TUBA1C: variants seen among roughly 807,000 people sequenced by gnomAD.
The protein encoded by TUBA1C is tubulin alpha 1c.
Under a neutral mutation model 34.9 loss-of-function variants are expected in TUBA1C, and 16 were observed. That is an observed-to-expected ratio of 0.46 (90% CI 0.31 to 0.70). The LOEUF (loss-of-function observed/expected upper bound fraction) is 0.70. Ranked by LOEUF, TUBA1C falls within the 30% of genes least tolerant of loss-of-function variation. The pLI, the probability that TUBA1C is intolerant of heterozygous loss-of-function variation, is 0.05. For missense variants in TUBA1C, 329 were observed against 587.3 expected (o/e 0.56, Z 4.55); for synonymous variants, 177 against 215.9 (o/e 0.82, Z 1.58).
At chr12:49,248,059 G>A (rs1377361227) in intron 1 of TUBA1C, among the ~76,000 whole-genome samples, 15 of 150,896 alleles carry the variant, frequency 9.9e-5, no homozygotes, top group Admixed American at 7.9e-4. Flanking sequence ...GGCAGATCAC[G>A]AGGTCAGGAG....
intron 1 of TUBA1C, among the ~76,000 whole-genome samples, chr12:49,246,548 G>A (rs1359128007): frequency 6.6e-6 from 1 of 151,902 alleles, no homozygotes; most frequent in Admixed American, 6.6e-5. Flanking sequence ...GGTGGCGGGC[G>A]CCTATAGTCC....
At chr12:49,260,224 A>AT (rs942836497), upstream of TUBA1C, among the ~76,000 whole-genome samples, 65 of 152,318 alleles carry the variant, frequency 4.3e-4, no homozygotes, top group African/African-American at 1.4e-3. Flanking sequence ...ATGGTAGTTA[A>AT]TTCCAGAAAA....
Position 49,250,449 on chromosome 12 carries a change from G to T in TUBA1C, c.214-19016G>T, listed in dbSNP as rs189365610. 4.6e-3 allele frequency among the ~76,000 whole-genome samples: 690 copies of T among 151,212 alleles called. 3 individuals are homozygous for T. The highest frequency in any genetic ancestry group is 0.016 in the African/African-American group (663 of 41,124). ...TGAGTCAGGAGAATAGCGTGAACCT[G>T]GGAGGCGGAGCTTGCAGTGAGCCGA... is the stretch of plus-strand genomic sequence containing the variant. On this transcript the variant is annotated intron_variant, in intron 1 of 3. Coordinates refer to the TUBA1C transcript ENST00000541364.
At chr12:49,230,691 G>C (rs557899595) in intron 1 of TUBA1C, among the ~76,000 whole-genome samples, 1 of 152,204 alleles carries the variant, frequency 6.6e-6, no homozygotes, top group East Asian at 1.9e-4. Context: ...ATTTGAGCTC[G>C]TTTGCTCTGA....
At chr12:49,235,959 C>T (rs1942551164) in intron 1 of TUBA1C, among the ~76,000 whole-genome samples, 1 of 152,174 alleles carries the variant, frequency 6.6e-6, no homozygotes, top group Non-Finnish European at 1.5e-5. Flanking sequence ...CATCAGTGCA[C>T]ACAGCGGGTT....
Position 49,273,046 on chromosome 12 carries a change from G to T in TUBA1C, c.1169G>T (p.Arg390Leu). Residue 390 changes from arginine (R) to leucine (L), a missense_variant, in exon 4 of 4, where the codon CGC becomes CTC. Arg to Leu is a moderately radical substitution (Grantham distance 102, BLOSUM62 -2). Coordinates refer to ENST00000301072, the MANE Select transcript of TUBA1C (RefSeq NM_032704.5). ...NTTAVAEAWA[R>L]LDHKFDLMYA... Reference sequence around the variant, plus strand: ...ACAGCTGTTGCCGAGGCCTGGGCTCGCCTGGACCACAAGTTTGACCTGATG... The same window carrying T: ...ACAGCTGTTGCCGAGGCCTGGGCTCTCCTGGACCACAAGTTTGACCTGATG... The T allele has an allele frequency of 6.2e-7, 1 of 1,614,172 alleles. No homozygotes were observed. The highest frequency in any genetic ancestry group is 8.5e-7 in the Non-Finnish European group (1 of 1,180,028).
chr12:49,273,041 G>A lies in TUBA1C; in HGVS notation c.1164G>A (p.Trp388Ter). 3.1e-6 allele frequency: 5 copies of A among 1,614,200 alleles called. No homozygotes were observed. In the South Asian group the frequency reaches 3.3e-5, roughly 11 times the overall value. ...LSNTTAVAEA[W>*]ARLDHKFDLM... is the part of the protein sequence containing the mutation. Reference sequence around the variant, plus strand: ...ATACCACAGCTGTTGCCGAGGCCTGGGCTCGCCTGGACCACAAGTTTGACC... The same window carrying A: ...ATACCACAGCTGTTGCCGAGGCCTGAGCTCGCCTGGACCACAAGTTTGACC... The change falls in exon 4 of 4, where the codon TGG becomes TGA. Residue 388 changes from tryptophan to a stop codon, truncating the protein, a stop_gained. Transcript: ENST00000301072. LOFTEE classifies it high-confidence loss of function.
At chr12:49,266,267 A>C (rs1484115480) in intron 1 of TUBA1C, among the ~76,000 whole-genome samples, 1 of 150,274 alleles carries the variant, frequency 6.7e-6, no homozygotes, top group Admixed American at 6.7e-5. Context: ...CTACTAAAAA[A>C]AAAAAAAAAA....
chr12:49,243,435 C>T (rs1022643275), intron 1 of TUBA1C, among the ~76,000 whole-genome samples: 20 of 151,814 alleles, frequency 1.3e-4, no homozygotes, highest in Admixed American at 1.1e-3. Flanking sequence ...TGTGAGACTC[C>T]ATCTCCAGAA....
chr12:49,231,717 C>CAGACAGATAGAT (rs1411016546), intron 1 of TUBA1C, among the ~76,000 whole-genome samples: 68 of 151,268 alleles, frequency 4.5e-4, no homozygotes, highest in African/African-American at 1.6e-3. Flanking sequence ...GACAGACAGA[C>CAGACAGATAGAT]AGATAGATAG....
At chr12:49,260,858 G>A (rs1157432842), upstream of TUBA1C, among the ~76,000 whole-genome samples, 1 of 152,042 alleles carries the variant, frequency 6.6e-6, no homozygotes, top group Non-Finnish European at 1.5e-5. Flanking sequence ...AGCCTTCCGA[G>A]TAGCTGGCCG....
intron 1 of TUBA1C, chr12:49,228,262 CTATT>C (rs1389533900): frequency 8.4e-7 from 1 of 1,191,260 alleles, no homozygotes; most frequent in Non-Finnish European, 1.2e-6. Flanking sequence ...GAATTTGCTC[CTATT>C]TATTGTTTCA....
intron 3 of TUBA1C, 75 bp from the exon 4 acceptor site, chr12:49,272,178 C>A (rs1942999998): frequency 6.5e-7 from 1 of 1,533,952 alleles, no homozygotes; most frequent in Non-Finnish European, 8.7e-7. Flanking sequence ...TATAGAAGTC[C>A]TCTGTAGGTT....
chr12:49,261,852 G>A (rs761668625), upstream of TUBA1C, among the ~76,000 whole-genome samples: 5 of 152,152 alleles, frequency 3.3e-5, no homozygotes, highest in Non-Finnish European at 7.4e-5. Flanking sequence ...GGTATGCAAC[G>A]CTTATTTCCC....
intron 1 of TUBA1C, among the ~76,000 whole-genome samples, chr12:49,241,787 C>T (rs982582170): frequency 1.5e-4 from 23 of 149,734 alleles, no homozygotes; most frequent in African/African-American, 5.7e-4. Flanking sequence ...GTAGCTGGGA[C>T]TACAGGCGCA....
chr12:49,255,980 C>CT (rs1381615599), intron 1 of TUBA1C, among the ~76,000 whole-genome samples: 1 of 152,200 alleles, frequency 6.6e-6, no homozygotes, highest in Non-Finnish European at 1.5e-5. Context: ...TGGCACGTGC[C>CT]TGTAGTCCCA....
At chr12:49,270,223 A>G in intron 3 of TUBA1C, 1 of 674,430 alleles carries the variant, frequency 1.5e-6, no homozygotes, top group East Asian at 2.9e-5. Flanking sequence ...AGGTCATCTT[A>G]GTCATACTGA....
intron 1 of TUBA1C, among the ~76,000 whole-genome samples, chr12:49,240,256 G>C (rs1302894692): frequency 2.2e-5 from 3 of 138,088 alleles, no homozygotes; most frequent in Non-Finnish European, 4.6e-5. Flanking sequence ...CTTTCAGCTT[G>C]TTCTATAATT....
chr12:49,229,406 C>A (rs1280810323), intron 1 of TUBA1C, among the ~76,000 whole-genome samples: 1 of 152,204 alleles, frequency 6.6e-6, no homozygotes, highest in South Asian at 2.1e-4. Flanking sequence ...CTCCTGACCT[C>A]AGGTGATCCG....
Sources: allele counts gnomAD v4.1 joint callset (sites outside exome capture counted in the v4.1 genomes callset), GRCh38; gene constraint gnomAD v4.1.1; transcripts MANE v1.5; gene names NCBI Gene and HGNC (gene_info 2026-07-23, HGNC 2026-07-21).